Variants in PIK3C2G observed in about 807,000 individuals in gnomAD.
PIK3C2G encodes the protein phosphatidylinositol 3-kinase C2 domain-containing subunit gamma.
In PIK3C2G, 168 loss-of-function variants were observed where a neutral mutation model predicts 181.1. The ratio of observed to expected loss-of-function variants is 0.93; its 90% CI spans 0.82 to 1.05. The LOEUF (loss-of-function observed/expected upper bound fraction) is 1.05, where lower values mean the gene tolerates loss of function less well. PIK3C2G is among the 50% of genes least tolerant of loss of function. The pLI, the probability that PIK3C2G is intolerant of heterozygous loss-of-function variation, is 0.00. For missense variants in PIK3C2G, 1,869 were observed against 1,732.8 expected, an observed-to-expected ratio of 1.08 and a Z score of -1.40; for synonymous variants, 573 against 592.2, an observed-to-expected ratio of 0.97 and a Z score of 0.47.
At chr12:18,596,312 TA>T (rs900228319) in intron 30 of PIK3C2G, among the ~76,000 whole-genome samples, 1 of 151,928 alleles carries the variant, frequency 6.6e-6, no homozygotes, top group Non-Finnish European at 1.5e-5. Flanking sequence ...TCACTTGGAA[TA>T]AAAAAACTAC....
intron 8 of PIK3C2G, among the ~76,000 whole-genome samples, chr12:18,332,985 G>C (rs1418900355): frequency 1.3e-5 from 2 of 152,060 alleles, no homozygotes; most frequent in African/African-American, 4.8e-5. Flanking sequence ...TGGGCTTCCT[G>C]ATATTCCAAA....
chr12:18,677,341 G>C, the PIK3C2G span, among the ~76,000 whole-genome samples: 7 of 152,106 alleles, frequency 4.6e-5, no homozygotes, highest in Non-Finnish European at 7.4e-5. Context: ...TCAGCACCGT[G>C]CAATCAAACC....
At chr12:18,637,813 C>G (rs939818605) in intron 31 of PIK3C2G, among the ~76,000 whole-genome samples, 1 of 152,158 alleles carries the variant, frequency 6.6e-6, no homozygotes, top group African/African-American at 2.4e-5. Flanking sequence ...AATCCACTCT[C>G]CATATGCTTT....
chr12:18,568,376 C>A (rs1945745889), intron 29 of PIK3C2G, among the ~76,000 whole-genome samples: 1 of 149,100 alleles, frequency 6.7e-6, no homozygotes, highest in South Asian at 2.1e-4. Context: ...GAAACTGAAC[C>A]AACAAAATTG....
chr12:18,488,682 T>G, intron 19 of PIK3C2G, 53 bp downstream of exon 19: 2 of 1,128,538 alleles, frequency 1.8e-6, no homozygotes, highest in Non-Finnish European at 2.3e-6. Flanking sequence ...TTGGCTTAAA[T>G]TAAGTTTTAA....
chr12:18,645,296 T>C (rs1950060838), intron 32 of PIK3C2G, among the ~76,000 whole-genome samples: 1 of 146,020 alleles, frequency 6.8e-6, no homozygotes, highest in African/African-American at 2.7e-5. Context: ...AAAGAGTACT[T>C]ACTATTTAAC....
At chr12:18,668,145 T>C in the PIK3C2G span, among the ~76,000 whole-genome samples, 1 of 152,150 alleles carries the variant, frequency 6.6e-6, no homozygotes, top group Admixed American at 6.6e-5. Context: ...CTCTGTCTCA[T>C]AGGGACTAGC....
At chr12:18,548,324 G>A (rs115239881) in intron 26 of PIK3C2G, among the ~76,000 whole-genome samples, 1,727 of 152,096 alleles carry the variant, frequency 0.011, 34 homozygotes, top group African/African-American at 0.039. Context: ...TCATTGTGTG[G>A]GCAGAACAAT....
intron 6 of PIK3C2G, among the ~76,000 whole-genome samples, chr12:18,316,387 G>C (rs1950863302): frequency 6.6e-6 from 1 of 152,286 alleles, no homozygotes; most frequent in African/African-American, 2.4e-5. Context: ...CCAGGGACAA[G>C]CATATTGTTA....
intron 11 of PIK3C2G, among the ~76,000 whole-genome samples, chr12:18,347,520 C>A (rs1939784646): frequency 6.6e-6 from 1 of 152,090 alleles, no homozygotes; most frequent in Non-Finnish European, 1.5e-5. Context: ...AGTAAACATT[C>A]AACTTTTGGC....
At chr12:18,583,840 T>C (rs1946630568) in intron 29 of PIK3C2G, among the ~76,000 whole-genome samples, 1 of 152,046 alleles carries the variant, frequency 6.6e-6, no homozygotes, top group Non-Finnish European at 1.5e-5. Flanking sequence ...ACTGCACTAG[T>C]TCTCCAACAA....
chr12:18,679,932 C>T, the PIK3C2G span, among the ~76,000 whole-genome samples: 3 of 151,990 alleles, frequency 2.0e-5, no homozygotes, highest in East Asian at 3.9e-4. Context: ...CACTTCAATT[C>T]AACCCTCCAG....
chr12:18,458,070 G>T (rs776185510), intron 18 of PIK3C2G, among the ~76,000 whole-genome samples: 1 of 151,992 alleles, frequency 6.6e-6, no homozygotes, highest in African/African-American at 2.4e-5. Context: ...AACTTCTTAA[G>T]TTTTATGGAG....
chr12:18,421,118 T>C, intron 17 of PIK3C2G, 84 bp downstream of exon 17: 1 of 689,528 alleles, frequency 1.5e-6, no homozygotes, highest in Non-Finnish European at 2.5e-6. Flanking sequence ...CAATAGTCTA[T>C]CTAGAAGTGA....
chr12:18,496,192 C>T (rs1197943044), intron 21 of PIK3C2G, 38 bp downstream of exon 21: 5 of 1,147,738 alleles, frequency 4.4e-6, no homozygotes, highest in Non-Finnish European at 3.7e-6. Context: ...TGATTCCATA[C>T]ACAGAACTAT....
chr12:18,629,930 AATG>A (rs551125555), intron 31 of PIK3C2G, among the ~76,000 whole-genome samples: 13 of 152,170 alleles, frequency 8.5e-5, no homozygotes, highest in African/African-American at 2.9e-4. Context: ...TTACATTACA[AATG>A]ATGATTCAAC....
chr12:18,496,326 A>G (rs1408064901), intron 21 of PIK3C2G, among the ~76,000 whole-genome samples, 172 bp downstream of exon 21: 4 of 152,174 alleles, frequency 2.6e-5, no homozygotes, highest in Non-Finnish European at 2.9e-5. Flanking sequence ...CCAAACTCCA[A>G]TTGGCAATAA....
At chr12:18,691,252 T>C in the PIK3C2G span, among the ~76,000 whole-genome samples, 40 of 152,246 alleles carry the variant, frequency 2.6e-4, no homozygotes, top group African/African-American at 9.6e-4. Flanking sequence ...ATGGGGCAAT[T>C]TGTTGACATT....
intron 11 of PIK3C2G, among the ~76,000 whole-genome samples, chr12:18,361,574 T>A (rs968073217): frequency 6.6e-6 from 1 of 152,078 alleles, no homozygotes; most frequent in Non-Finnish European, 1.5e-5. Flanking sequence ...CTAGAGATTC[T>A]GGGTGCCTTC....
Sources: gnomAD v4.1 joint callset for allele counts (sites outside exome capture counted in the v4.1 genomes callset) on GRCh38, gnomAD v4.1.1 for gene constraint, MANE v1.5 for transcripts, NCBI Gene and HGNC (gene_info 2026-07-23, HGNC 2026-07-21) for gene names.